Variants in PAK5 observed in about 807,000 individuals in gnomAD.
The protein encoded by PAK5 is p21 (RAC1) activated kinase 5.
A neutral mutation model predicts 65.9 loss-of-function variants in PAK5; 16 were observed. That is an observed-to-expected ratio of 0.24 (90% CI 0.16 to 0.37). The LOEUF is 0.37. Ranked by LOEUF, PAK5 falls within the 10% of genes least tolerant of loss-of-function variation. The probability of loss-of-function intolerance (pLI) is 1.00; values close to 1 mark genes in which losing one functional copy is unlikely to be tolerated. For synonymous variants in PAK5, 371 were observed against 354.9 expected, an observed-to-expected ratio of 1.05 and a Z score of -0.51; for missense variants, 785 against 903.9, an observed-to-expected ratio of 0.87 and a Z score of 1.69.
chr20:9,719,586 C>T (rs2048190410), intron 1 of PAK5, among the ~76,000 whole-genome samples: 1 of 152,030 alleles, frequency 6.6e-6, no homozygotes, highest in African/African-American at 2.4e-5. Flanking sequence ...TTTGGAGTAA[C>T]TCTTCTTTAC....
chr20:9,618,273 TA>T (rs2046698169), intron 3 of PAK5, among the ~76,000 whole-genome samples: 1 of 152,116 alleles, frequency 6.6e-6, no homozygotes, highest in Non-Finnish European at 1.5e-5. Context: ...TTAACCCCTC[TA>T]AATTATAATC....
Position 9,644,129 on chromosome 20 carries a change from A to G in PAK5, c.200T>C (p.Met67Thr). Residue 67 changes from methionine to threonine, a missense_variant, in exon 3 of 10, where the codon ATG becomes ACG. By Grantham distance (81) the Met-to-Thr change is moderately conservative. Around this residue, in one of 4 missense-constraint regions of PAK5, gnomAD observed 71 missense variants for 110.2 expected, o/e 0.64. Coordinates refer to ENST00000353224, the MANE Select transcript of PAK5 (RefSeq NM_177990.4). ...AAGATGGAGCCCTCACCATACCTTC[A>G]TAGGAGCCAGCTGGATGGGTGTGAT... ...SCITPIQLAP[M>T]KTIVRGNKPC... The G allele has an allele frequency of 6.2e-7, 1 of 1,613,380 alleles. No homozygotes were observed. Among genetic ancestry groups the G allele is most frequent in the Non-Finnish European group, 8.5e-7 (1 of 1,179,348 alleles).
At chr20:9,663,723 G>C (rs996158449) in intron 2 of PAK5, among the ~76,000 whole-genome samples, 1 of 152,140 alleles carries the variant, frequency 6.6e-6, no homozygotes, top group Admixed American at 6.6e-5. Context: ...TAAAGGTAAG[G>C]AATCTTACAT....
chr20:9,746,166 C>G (rs373741444), intron 1 of PAK5, among the ~76,000 whole-genome samples: 1 of 152,122 alleles, frequency 6.6e-6, no homozygotes, highest in South Asian at 2.1e-4. Flanking sequence ...CCAGACACTT[C>G]CCTTTTGGCT....
intron 2 of PAK5, among the ~76,000 whole-genome samples, chr20:9,676,664 T>C (rs2047576434): frequency 6.6e-6 from 1 of 152,132 alleles, no homozygotes; most frequent in Non-Finnish European, 1.5e-5. Context: ...AGGAAAGTCT[T>C]TAGGAGAATA....
intron 2 of PAK5, among the ~76,000 whole-genome samples, chr20:9,707,001 T>C (rs2048016535): frequency 6.6e-6 from 1 of 152,206 alleles, no homozygotes; most frequent in African/African-American, 2.4e-5. Flanking sequence ...ACATTTTACA[T>C]ATTTCTTGTC....
At chr20:9,696,363 T>C (rs1444239401) in intron 2 of PAK5, among the ~76,000 whole-genome samples, 1 of 152,128 alleles carries the variant, frequency 6.6e-6, no homozygotes, top group Non-Finnish European at 1.5e-5. Flanking sequence ...TTCTCATGTG[T>C]GCCCCAGTTT....
In PAK5 at chr20:9,836,898, G is replaced by C. The variant is rs139646107; in HGVS notation, c.-162+1864C>G. On this transcript the variant is annotated intron_variant, in intron 1 of 9. Coordinates refer to ENST00000353224, the MANE Select transcript of PAK5 (RefSeq NM_177990.4). ...AGTGAGGAAACTGAGGCTTAGGAAA[G>C]TTAAATAATTTTCCCAGAATCACAA... Among the ~76,000 whole-genome samples, 11 of 152,256 alleles carry C rather than the reference G, an allele frequency of 7.2e-5. No individual in the cohort carries two copies. In the East Asian group the frequency reaches 1.9e-3, roughly 27 times the overall value.
intron 1 of PAK5, among the ~76,000 whole-genome samples, chr20:9,733,210 T>A (rs1288856653): frequency 6.6e-6 from 1 of 152,226 alleles, no homozygotes; most frequent in Non-Finnish European, 1.5e-5. Flanking sequence ...AATGCATGCA[T>A]AATTACACAC....
chr20:9,673,203 AC>A (rs1370073276), intron 2 of PAK5, among the ~76,000 whole-genome samples: 1 of 152,164 alleles, frequency 6.6e-6, no homozygotes, highest in Non-Finnish European at 1.5e-5. Context: ...GAAACCTGGC[AC>A]CTAATCCTTA....
At chr20:9,673,426 G>A (rs1035998049) in intron 2 of PAK5, among the ~76,000 whole-genome samples, 6 of 152,162 alleles carry the variant, frequency 3.9e-5, no homozygotes, top group African/African-American at 1.4e-4. Context: ...CTACATGGAG[G>A]TTTTGAGCAC....
chr20:9,622,550 C>T lies in PAK5; in HGVS notation c.204+21575G>A, dbSNP rs544563451. Among the ~76,000 whole-genome samples, 420 of 152,286 alleles carry T rather than the reference C, an allele frequency of 2.8e-3. 1 individual carries two copies. Among genetic ancestry groups the T allele is most frequent in the Non-Finnish European group, 5.1e-3 (346 of 68,032 alleles). ...GGTGTCCAACCCGCGGGTCATGGACCCATACCCGGAGTGTCTGTTGACTGT... is the reference window on the plus strand; with the variant it reads ...GGTGTCCAACCCGCGGGTCATGGACTCATACCCGGAGTGTCTGTTGACTGT... On this transcript the variant is annotated intron_variant, in intron 3 of 9. Transcript: ENST00000353224.
intron 2 of PAK5, among the ~76,000 whole-genome samples, chr20:9,685,810 C>A (rs2047711521): frequency 6.6e-6 from 1 of 152,216 alleles, no homozygotes. Context: ...GCTGGTACTA[C>A]TTCTGCTAGT....
At chr20:9,555,110 T>A (rs1055759321) in intron 7 of PAK5, among the ~76,000 whole-genome samples, 1 of 152,194 alleles carries the variant, frequency 6.6e-6, no homozygotes, top group African/African-American at 2.4e-5. Flanking sequence ...AGTCCCCAAA[T>A]AAGCTTACTA....
chr20:9,795,445 G>A (rs2049094375), intron 1 of PAK5, among the ~76,000 whole-genome samples: 1 of 152,042 alleles, frequency 6.6e-6, no homozygotes, highest in South Asian at 2.1e-4. Context: ...ATTTGAAAAT[G>A]AGAAGGTGCA....
At chr20:9,793,387 A>T (rs1403447421) in intron 1 of PAK5, among the ~76,000 whole-genome samples, 2 of 152,142 alleles carry the variant, frequency 1.3e-5, no homozygotes, top group Admixed American at 1.3e-4. Flanking sequence ...TACCTATACC[A>T]ATAGGTTACC....
intron 1 of PAK5, among the ~76,000 whole-genome samples, chr20:9,826,627 A>G (rs2049487634): frequency 6.6e-6 from 1 of 152,154 alleles, no homozygotes; most frequent in Non-Finnish European, 1.5e-5. Context: ...AGAAGCCTGA[A>G]AAGCCCTTGG....
In PAK5 at chr20:9,538,220, TCTC is replaced by T. The variant is rs1433184988; in HGVS notation, c.*1239_*1241del. On this transcript the variant is annotated 3_prime_UTR_variant, in exon 10 of 10. Coordinates refer to ENST00000353224, the MANE Select transcript of PAK5 (RefSeq NM_177990.4). Reference sequence around the variant, plus strand: ...AAGAAGATCTAGACAGCAGCACGACTCTCCTATGTCGGAAACACATTATAACAT... The same window carrying T: ...AAGAAGATCTAGACAGCAGCACGACTCTATGTCGGAAACACATTATAACAT... The T allele has an allele frequency of 4.3e-6, 1 of 233,632 alleles. No homozygotes were observed. Among genetic ancestry groups the T allele is most frequent in the African/African-American group, 2.2e-5 (1 of 45,466 alleles). 14.5% of individuals were successfully genotyped at this position (233,632 alleles called of 1,614,324 possible). A position where few individuals can be genotyped will look rare whatever the true frequency, so the allele number is the denominator to read the frequency against.
intron 1 of PAK5, among the ~76,000 whole-genome samples, chr20:9,769,485 C>A (rs942274850): frequency 6.6e-6 from 1 of 152,202 alleles, no homozygotes; most frequent in African/African-American, 2.4e-5. Flanking sequence ...AGGGCGATGA[C>A]TTTGACTTTG....
Sources: gnomAD v4.1 joint callset for allele counts (sites outside exome capture counted in the v4.1 genomes callset) on GRCh38, gnomAD v4.1.1 for gene constraint, gnomAD v4.1.1 regional missense constraint, MANE v1.5 for transcripts, NCBI Gene and HGNC (gene_info 2026-07-23, HGNC 2026-07-21) for gene names.